EIF2D: variants seen among roughly 807,000 people sequenced by gnomAD.
EIF2D encodes the protein eukaryotic translation initiation factor 2D, also known as hepatocellular carcinoma-associated antigen 56.
A neutral mutation model predicts 77.4 loss-of-function variants in EIF2D; 56 were observed. The observed-to-expected ratio is 0.72, with a 90% CI of 0.58 to 0.90. The LOEUF (loss-of-function observed/expected upper bound fraction) is 0.90. Ranked by LOEUF, EIF2D falls within the 40% of genes least tolerant of loss-of-function variation. The pLI is 0.00. For synonymous variants in EIF2D, 230 were observed against 271.0 expected (o/e 0.85, Z 1.49); for missense variants, 574 against 706.5 (o/e 0.81, Z 2.13).
At chr1:206,600,396 C>A (rs1669869859) in intron 7 of EIF2D, 88 bp from the exon 8 acceptor site, 4 of 1,219,712 alleles carry the variant, frequency 3.3e-6, no homozygotes, top group Admixed American at 3.8e-5. Context: ...TTTTCCTCAG[C>A]CTTCCTCCCC....
intron 2 of EIF2D, among the ~76,000 whole-genome samples, chr1:206,581,841 C>T (rs575791979): frequency 5.4e-4 from 82 of 152,054 alleles, no homozygotes; most frequent in African/African-American, 2.0e-3. Context: ...TCCCACATGG[C>T]TTGCTGAAGG....
At chr1:206,602,206 G>T in intron 7 of EIF2D, 130 bp downstream of exon 7, 1 of 657,460 alleles carries the variant, frequency 1.5e-6, no homozygotes. Context: ...TGTCAGATAA[G>T]CCTTCCCTCC....
At chr1:206,577,443 AT>A (rs112664902) in intron 4 of EIF2D, among the ~76,000 whole-genome samples, 2,879 of 152,226 alleles carry the variant, frequency 0.019, 91 homozygotes, top group African/African-American at 0.066. Context: ...CCATTATCTC[AT>A]TTGATTTTTA....
intron 2 of EIF2D, chr1:206,585,201 T>C: frequency 6.2e-7 from 1 of 1,614,072 alleles, no homozygotes; most frequent in Non-Finnish European, 8.5e-7. Flanking sequence ...AAACTCTCCA[T>C]TGCTGACCGC....
chr1:206,577,980 C>T (rs4845111), intron 4 of EIF2D, among the ~76,000 whole-genome samples: 114,831 of 152,104 alleles, frequency 0.75, 43,698 homozygotes, highest in East Asian at 0.99. Context: ...CCTGGCACTT[C>T]GTGAGGCTGA....
downstream of EIF2D, among the ~76,000 whole-genome samples, chr1:206,590,858 T>A (rs2102270070): frequency 6.6e-6 from 1 of 152,318 alleles, no homozygotes; most frequent in Non-Finnish European, 1.5e-5. Flanking sequence ...TCAGGGAATT[T>A]AGCCCAGTTC....
chr1:206,591,247 A>G (rs1669329769), downstream of EIF2D, among the ~76,000 whole-genome samples: 1 of 152,214 alleles, frequency 6.6e-6, no homozygotes, highest in South Asian at 2.1e-4. Flanking sequence ...CCCACGTCCT[A>G]ATATGCCTGT....
At chr1:206,586,751 G>T, downstream of EIF2D, 2 of 1,123,306 alleles carry the variant, frequency 1.8e-6, no homozygotes, top group Non-Finnish European at 2.6e-6. Context: ...AGGCAGCAGG[G>T]TCTCTCAGGT....
At chr1:206,585,690 TCC>T (rs1669085724) in intron 2 of EIF2D, 1 of 162,532 alleles carries the variant, frequency 6.2e-6, no homozygotes, top group Admixed American at 6.1e-5. Flanking sequence ...CCATTTGTCC[TCC>T]CTTTTCTTGA....
At chr1:206,585,365 T>A in intron 2 of EIF2D, 1 of 1,111,802 alleles carries the variant, frequency 9.0e-7, no homozygotes, top group Non-Finnish European at 1.4e-6. Flanking sequence ...GGTGTTGTCC[T>A]AACTACCTCA....
In EIF2D at chr1:206,584,379, G is replaced by A. The variant is rs782607936; in HGVS notation, c.139-3217C>T. On this transcript the variant is annotated intron_variant and NMD_transcript_variant, in intron 2 of 5. Transcript: ENST00000472709. This position sits in a 1 kb window ranked among gnomAD's most constrained non-coding sequence, Gnocchi z 4.9. ...CCCTGACCCCCTGTGACATGCCCCC[G>A]CTGGCAGAGTGAAGACGGCACCTAC... 20 of 1,604,732 alleles carry A rather than the reference G, an allele frequency of 1.2e-5. No homozygotes were observed. The highest frequency in any genetic ancestry group is 1.0e-4 in the South Asian group (9 of 89,682).
chr1:206,576,978 AT>A (rs36057143), intron 4 of EIF2D, among the ~76,000 whole-genome samples: 4,454 of 145,228 alleles, frequency 0.031, 182 homozygotes, highest in African/African-American at 0.1. Flanking sequence ...TAATTTTTGT[AT>A]TTTTTTTTTT....
intron 2 of EIF2D, chr1:206,586,599 A>T (rs1669122398): frequency 2.0e-6 from 1 of 501,868 alleles, no homozygotes; most frequent in Admixed American, 3.6e-5. Flanking sequence ...CATGGTTCAT[A>T]GACTGGCAAC....
intron 4 of EIF2D, among the ~76,000 whole-genome samples, chr1:206,573,922 A>C (rs1553404667): frequency 2.0e-5 from 3 of 152,272 alleles, no homozygotes; most frequent in African/African-American, 7.2e-5. Context: ...CATGGCCAGC[A>C]CAGGCCACCT....
chr1:206,599,619 C>T lies in EIF2D; in HGVS notation c.1053-7G>A, dbSNP rs781800100. On this transcript the variant is annotated splice_polypyrimidine_tract_variant and splice_region_variant and intron_variant, in intron 9 of 14. Transcript: ENST00000271764. This position sits in a 1 kb window ranked among gnomAD's most constrained non-coding sequence, Gnocchi z 4.1. ...TATGACGAAAGATGTAATCCTAAAA[C>T]CCAGCAGAAGGAAAGAAAAAACACA... 1.3e-6 allele frequency: 2 copies of T among 1,599,824 alleles called. No individual in the cohort carries two copies. Among genetic ancestry groups the T allele is most frequent in the East Asian group, 4.5e-5 (2 of 44,744 alleles).
rs1345423603 is a variant in EIF2D, at chr1:206,597,568, G to A, written c.1293-373C>T. On this transcript the variant is annotated intron_variant, in intron 11 of 14. Transcript: ENST00000271764. The stretch of plus-strand genomic sequence containing the variant: ...GCAGTGGCTCACGCCTGTAATCCCA[G>A]CACTTTGGGAGGCTGAGGCGGGAGG... Among the ~76,000 whole-genome samples the A allele has an allele frequency of 1.3e-5, 2 of 152,342 alleles. 1 individual carries two copies. The highest frequency in any genetic ancestry group is 3.9e-4 in the East Asian group (2 of 5,182).
In EIF2D at chr1:206,611,373, T is replaced by C; in HGVS notation, c.58A>G (p.Arg20Gly). The C allele has an allele frequency of 1.2e-6, 2 of 1,612,802 alleles. No homozygotes were observed. The highest frequency in any genetic ancestry group is 8.5e-7 in the Non-Finnish European group (1 of 1,179,000). Residue 20 changes from arginine (R) to glycine (G), a missense_variant and splice_region_variant, in exon 2 of 15, where the codon AGA becomes GGA. Transcript: ENST00000271764. Reference sequence around the variant, plus strand: ...GTTGTCACATCAGCTCGAAGCTTTCTCCTGTGGAAAGCACACCAGCACTGT... The same window carrying C: ...GTTGTCACATCAGCTCGAAGCTTTCCCCTGTGGAAAGCACACCAGCACTGT... ...SNTAIKGSDR[R>G]KLRADVTTAF...
intron 2 of EIF2D, among the ~76,000 whole-genome samples, chr1:206,582,798 A>T (rs1482478038): frequency 6.6e-6 from 1 of 152,220 alleles, no homozygotes; most frequent in African/African-American, 2.4e-5. Flanking sequence ...TACTGGCACC[A>T]TGGGTAGACG....
rs782368054 is a variant in EIF2D at position 206,599,129 on chromosome 1, C to A, written c.1203-37G>T. On this transcript the variant is annotated intron_variant, in intron 10 of 14. Transcript: ENST00000271764. This position sits in a 1 kb window ranked among gnomAD's most constrained non-coding sequence, Gnocchi z 4.1. ...GAAGTGACCCAGGGGTTAGTTCATG[C>A]TGTGCCATGAGACAAAAATGCAGAT... The A allele has an allele frequency of 1.9e-6, 3 of 1,597,548 alleles. No homozygotes were observed.
Sources: gnomAD v4.1 joint callset for allele counts (sites outside exome capture counted in the v4.1 genomes callset) on GRCh38, gnomAD v4.1.1 for gene constraint, Gnocchi (gnomAD v3.1) non-coding constraint, MANE v1.5 for transcripts, NCBI Gene and HGNC (gene_info 2026-07-23, HGNC 2026-07-21) for gene names.